ABCC1: variants seen among roughly 807,000 people sequenced by gnomAD.
ABCC1 encodes the protein multidrug resistance-associated protein 1.
Under a neutral mutation model 172.9 loss-of-function variants are expected in ABCC1, and 83 were observed. That is an observed-to-expected ratio of 0.48 (90% confidence interval 0.40 to 0.58). The LOEUF (loss-of-function observed/expected upper bound fraction) is 0.58. Among genes scored for constraint, ABCC1 ranks in the 20% least tolerant of loss-of-function variants. ABCC1 has a pLI of 0.00. For missense variants in ABCC1, 1,817 were observed against 2,002.7 expected, an observed-to-expected ratio of 0.91 and a Z score of 1.77; for synonymous variants, 937 against 825.2, an observed-to-expected ratio of 1.14 and a Z score of -2.32.
intron 1 of ABCC1, among the ~76,000 whole-genome samples, chr16:15,976,856 G>A (rs2046506487): frequency 6.6e-6 from 1 of 152,194 alleles, no homozygotes; most frequent in South Asian, 2.1e-4. Context: ...GAAAGCCAGA[G>A]AGATTGGGTG....
chr16:16,047,711 C>T (rs1008240647), intron 9 of ABCC1, among the ~76,000 whole-genome samples: 1 of 150,402 alleles, frequency 6.6e-6, no homozygotes, highest in African/African-American at 2.5e-5. Context: ...CTGGCCCACA[C>T]CCTCAGTCCT....
intron 27 of ABCC1, among the ~76,000 whole-genome samples, chr16:16,133,397 T>TTTTTG (rs913801355): frequency 4.7e-5 from 7 of 148,798 alleles, no homozygotes; most frequent in South Asian, 4.2e-4. Flanking sequence ...TTTGTTTTTG[T>TTTTTG]TTTTGTTTTG....
intron 1 of ABCC1, among the ~76,000 whole-genome samples, chr16:16,004,069 C>T (rs1597100550): frequency 6.6e-6 from 1 of 151,868 alleles, no homozygotes; most frequent in East Asian, 1.9e-4. Flanking sequence ...ATAAATATAT[C>T]CATGGGTATA....
At position 16,044,566 on chromosome 16, in the gene ABCC1, G is replaced by A; in HGVS notation, c.926G>A (p.Trp309Ter). Residue 309 changes from tryptophan (W) to a stop codon, truncating the protein, a stop_gained, in exon 8 of 31, where the codon TGG (tryptophan) becomes TAG (stop). Transcript: ENST00000399410. LOFTEE classifies it high-confidence loss of function. ...ALIVKSPQKE[W>*]NPSLFKVLYK... The stretch of plus-strand genomic sequence containing the variant: ...ATCGTCAAGTCCCCACAGAAGGAGT[G>A]GAACCCCTCTCTGTTTAAGGTGTTA... 6.2e-7 allele frequency: 1 copy of A among 1,614,114 alleles called. No individual in the cohort carries two copies. The highest frequency in any genetic ancestry group is 8.5e-7 in the Non-Finnish European group (1 of 1,179,984).
chr16:16,089,806 G>A (rs983479029), intron 18 of ABCC1, among the ~76,000 whole-genome samples: 5 of 151,010 alleles, frequency 3.3e-5, no homozygotes, highest in Admixed American at 6.6e-5. Context: ...GCTTGAACCC[G>A]GGAGGCGGAG....
At chr16:15,977,216 A>G (rs2046514760) in intron 1 of ABCC1, among the ~76,000 whole-genome samples, 1 of 152,186 alleles carries the variant, frequency 6.6e-6, no homozygotes, top group African/African-American at 2.4e-5. Context: ...GGTAAGCCAG[A>G]AAATTTCCCT....
intron 8 of ABCC1, among the ~76,000 whole-genome samples, chr16:16,045,605 T>G (rs772792243): frequency 6.6e-6 from 1 of 152,068 alleles, no homozygotes; most frequent in Non-Finnish European, 1.5e-5. Flanking sequence ...TGATGAGATA[T>G]AGCTAGAGCA....
chr16:15,950,681 A>C (rs1237351756), intron 1 of ABCC1, among the ~76,000 whole-genome samples: 1 of 152,178 alleles, frequency 6.6e-6, no homozygotes, highest in African/African-American at 2.4e-5. Flanking sequence ...TCTTTGTTCC[A>C]GGAAGGCAGG....
chr16:16,138,400 C>T lies in ABCC1; in HGVS notation c.4329C>T (p.Ala1443=), dbSNP rs1362035952. Residue 1443 remains alanine, a synonymous_variant, in exon 30 of 31, where the codon GCC becomes GCT. Coordinates refer to ENST00000399410, the MANE Select transcript of ABCC1 (RefSeq NM_004996.4). The part of the protein sequence containing the change: ...GQRQLVCLAR[A]LLRKTKILVL... Reference sequence around the variant, plus strand: ...GCCAGCTTGTGTGCCTAGCCCGGGCCCTGCTGAGGAAGACGAAGATCCTTG... The same window carrying T: ...GCCAGCTTGTGTGCCTAGCCCGGGCTCTGCTGAGGAAGACGAAGATCCTTG... 1 of 1,604,806 alleles carries T rather than the reference C, an allele frequency of 6.2e-7. No homozygotes were observed. The highest frequency in any genetic ancestry group is 8.5e-7 in the Non-Finnish European group (1 of 1,172,402).
rs139873437 is a variant in ABCC1, at chr16:16,112,731, A to G, written c.3079+1149A>G. On this transcript the variant is annotated intron_variant, in intron 22 of 30. Transcript: ENST00000399410. Reference sequence around the variant, plus strand: ...GTATGTGAGCCATGTTTGCAAATACACATGTATGGTCCATATGATATATAC... The same window carrying G: ...GTATGTGAGCCATGTTTGCAAATACGCATGTATGGTCCATATGATATATAC... Among the ~76,000 whole-genome samples the G allele has an allele frequency of 6.1e-3, 925 of 152,346 alleles. 10 individuals are homozygous for G. The highest frequency in any genetic ancestry group is 0.021 in the African/African-American group (868 of 41,570).
rs747971703 is a variant in ABCC1, at chr16:16,076,364, T to C, written c.1951T>C (p.Phe651Leu). 5 of 1,612,106 alleles carry C rather than the reference T, an allele frequency of 3.1e-6. No homozygotes were observed. In the Admixed American group the frequency reaches 8.4e-5, roughly 27 times the overall value. The change falls in exon 15 of 31, where the codon TTC (phenylalanine) becomes CTC (leucine). Residue 651 changes from phenylalanine to leucine, a missense_variant. Phe to Leu is a conservative substitution (Grantham distance 22). Transcript: ENST00000399410. ...TNSITVRNATFTWARSDPPTL... is the reference protein window; with the variant it reads ...TNSITVRNATLTWARSDPPTL... ...CAGCATCACCGTGAGGAATGCCACA[T>C]TCACCTGGGCCAGGAGCGACCCTCC...
intron 1 of ABCC1, among the ~76,000 whole-genome samples, chr16:15,980,272 A>C (rs1477339628): frequency 6.6e-6 from 1 of 152,150 alleles, no homozygotes; most frequent in Non-Finnish European, 1.5e-5. Context: ...TGAGAGGCCA[A>C]GGTGGGAAGA....
Position 16,038,987 on chromosome 16 carries a change from G to A in ABCC1, c.809+2384G>A, listed in dbSNP as rs117843482. Among the ~76,000 whole-genome samples, 23 of 152,280 alleles carry A rather than the reference G, an allele frequency of 1.5e-4. No homozygotes were observed. The East Asian group carries it at 4.1e-3, about 27-fold the overall frequency. ...ACTGGCCTGGCTCTTAATCCACTGA[G>A]CAGATGAAACTGACTGCTGCTTTTG... On this transcript the variant is annotated intron_variant, in intron 7 of 30. Transcript: ENST00000399410.
intron 1 of ABCC1, among the ~76,000 whole-genome samples, chr16:15,965,077 C>T (rs1169828026): frequency 6.6e-6 from 1 of 152,112 alleles, no homozygotes; most frequent in African/African-American, 2.4e-5. Context: ...CTTGTTCTTA[C>T]TAGTATGTAG....
chr16:16,043,776 A>G (rs759371903), intron 7 of ABCC1, among the ~76,000 whole-genome samples: 4 of 151,170 alleles, frequency 2.6e-5, no homozygotes, highest in Non-Finnish European at 5.9e-5. Context: ...TAATTTTTGT[A>G]TTTTTAGTAG....
At chr16:16,060,335 A>G (rs750002066) in intron 12 of ABCC1, among the ~76,000 whole-genome samples, 4 of 152,152 alleles carry the variant, frequency 2.6e-5, no homozygotes, top group Non-Finnish European at 5.9e-5. Flanking sequence ...GTTATGTTCA[A>G]GCAGCCCTCC....
chr16:15,996,262 C>T (rs1019345961), intron 1 of ABCC1, among the ~76,000 whole-genome samples: 4 of 152,214 alleles, frequency 2.6e-5, no homozygotes, highest in East Asian at 1.9e-4. Flanking sequence ...GGATTACAGG[C>T]GTGAACCCCT....
At chr16:16,092,934 C>T (rs2051312799) in intron 19 of ABCC1, among the ~76,000 whole-genome samples, 1 of 152,162 alleles carries the variant, frequency 6.6e-6, no homozygotes. Context: ...CTGCTGTGAG[C>T]CAAAATCATG....
chr16:16,074,143 A>C (rs934769627), intron 14 of ABCC1, among the ~76,000 whole-genome samples: 8 of 152,036 alleles, frequency 5.3e-5, no homozygotes, highest in Non-Finnish European at 1.5e-5. Context: ...GTGGTTGGGG[A>C]CTGTCCTGTG....
Sources: allele counts gnomAD v4.1 joint callset (sites outside exome capture counted in the v4.1 genomes callset), GRCh38; gene constraint gnomAD v4.1.1; transcripts MANE v1.5; gene names NCBI Gene and HGNC (gene_info 2026-07-23, HGNC 2026-07-21).